Variants in KCNIP4 observed in about 807,000 individuals in gnomAD.
The protein encoded by KCNIP4 is Kv channel-interacting protein 4.
KCNIP4 carries 12 observed loss-of-function variants against 34.0 expected under a neutral mutation model. The ratio of observed to expected loss-of-function variants is 0.35; its 90% CI spans 0.23 to 0.57. KCNIP4 has a LOEUF of 0.57. Ranked by LOEUF, KCNIP4 falls within the 20% of genes least tolerant of loss-of-function variation. KCNIP4 has a pLI of 0.83. For synonymous variants in KCNIP4, 124 were observed against 102.2 expected (o/e 1.21, Z -1.29); for missense variants, 238 against 311.7 (o/e 0.76, Z 1.78).
chr4:20,771,987 A>G (rs1755930867), intron 3 of KCNIP4, among the ~76,000 whole-genome samples: 1 of 152,162 alleles, frequency 6.6e-6, no homozygotes, highest in Non-Finnish European at 1.5e-5. Context: ...ACTAAATTTA[A>G]TGATCATTCG....
At chr4:21,917,166 G>A (rs538186010) in intron 1 of KCNIP4, among the ~76,000 whole-genome samples, 7 of 151,990 alleles carry the variant, frequency 4.6e-5, no homozygotes, top group East Asian at 3.9e-4. Flanking sequence ...ACAGAGTCTC[G>A]CACTGTCGCC....
At chr4:20,912,072 C>T (rs1728379693) in intron 1 of KCNIP4, among the ~76,000 whole-genome samples, 1 of 152,162 alleles carries the variant, frequency 6.6e-6, no homozygotes. Context: ...CCATATACTT[C>T]CCCAAAGTAA....
chr4:21,507,033 C>T (rs1236149721), intron 1 of KCNIP4, among the ~76,000 whole-genome samples: 1 of 152,046 alleles, frequency 6.6e-6, no homozygotes, highest in African/African-American at 2.4e-5. Flanking sequence ...AGTGATCCTC[C>T]TGTCTCGGCC....
intron 1 of KCNIP4, among the ~76,000 whole-genome samples, chr4:21,541,180 C>CAAAAAAAAAAAAAAAAAAA (rs60459395): frequency 4.7e-5 from 5 of 107,466 alleles, no homozygotes; most frequent in Non-Finnish European, 5.6e-5. Flanking sequence ...CAAAAGAAAA[C>CAAAAAAAAAAAAAAAAAAA]AAAAAAAAAA....
At chr4:21,327,163 T>C (rs1715170250) in intron 1 of KCNIP4, among the ~76,000 whole-genome samples, 1 of 152,108 alleles carries the variant, frequency 6.6e-6, no homozygotes, top group South Asian at 2.1e-4. Flanking sequence ...TGTAACTTCA[T>C]ATGATATTTT....
intron 1 of KCNIP4, among the ~76,000 whole-genome samples, chr4:21,477,044 G>A (rs59905060): frequency 1.1e-4 from 17 of 152,210 alleles, no homozygotes; most frequent in East Asian, 1.9e-4. Context: ...GCGGTTTCTC[G>A]CTTCAAGAAG....
Position 21,528,742 on chromosome 4 carries a change from A to G in KCNIP4, c.61+419829T>C, listed in dbSNP as rs1158832934. Among the ~76,000 whole-genome samples, 12 of 5,522 alleles carry G rather than the reference A, an allele frequency of 2.2e-3. 3 individuals carry two copies. In the East Asian group the frequency reaches 0.067, roughly 31 times the overall value. The allele number at this position is 5,522 out of a possible 152,430, so 3.6% of individuals were successfully genotyped here. On this transcript the variant is annotated intron_variant, in intron 1 of 8. Transcript: ENST00000382152. ...AAGAAAGAAAGAAAGAAAGAAAGAA[A>G]GAAAGAAAGAAAGAAAGAAAGAAAG...
chr4:21,898,895 C>A (rs7682043), intron 1 of KCNIP4, among the ~76,000 whole-genome samples: 14,036 of 152,162 alleles, frequency 0.092, 741 homozygotes, highest in Non-Finnish European at 0.12. Flanking sequence ...TGGACCTGCC[C>A]AGGGCCAGAG....
At chr4:21,826,159 G>A (rs1011564763) in intron 1 of KCNIP4, among the ~76,000 whole-genome samples, 4 of 152,148 alleles carry the variant, frequency 2.6e-5, no homozygotes, top group Admixed American at 2.6e-4. Flanking sequence ...CATTTTATAA[G>A]CCATGCAGAG....
At chr4:21,816,882 T>G (rs1265452238) in intron 1 of KCNIP4, among the ~76,000 whole-genome samples, 1 of 152,200 alleles carries the variant, frequency 6.6e-6, no homozygotes, top group Non-Finnish European at 1.5e-5. Flanking sequence ...GCAATGTGCT[T>G]GACCTCACTG....
chr4:21,304,942 A>G (rs1006278407), intron 1 of KCNIP4, among the ~76,000 whole-genome samples: 6 of 150,460 alleles, frequency 4.0e-5, no homozygotes, highest in Non-Finnish European at 8.8e-5. Context: ...TGATGTAAGT[A>G]AATTTGGAGC....
intron 1 of KCNIP4, among the ~76,000 whole-genome samples, chr4:21,905,887 G>C (rs1437811195): frequency 6.6e-6 from 1 of 152,070 alleles, no homozygotes; most frequent in East Asian, 1.9e-4. Context: ...ATGGGCATTA[G>C]AGTGTGACAT....
chr4:21,090,590 T>C (rs1260871000), intron 1 of KCNIP4, among the ~76,000 whole-genome samples: 2 of 152,212 alleles, frequency 1.3e-5, no homozygotes, highest in Non-Finnish European at 2.9e-5. Context: ...AGAGAAAAGT[T>C]TTTATGTATT....
intron 1 of KCNIP4, among the ~76,000 whole-genome samples, chr4:21,195,937 G>A (rs1173539863): frequency 6.6e-6 from 1 of 152,110 alleles, no homozygotes; most frequent in Non-Finnish European, 1.5e-5. Flanking sequence ...CATCATTCCT[G>A]CAAGGAAGCA....
chr4:21,257,544 T>G (rs1464813932), intron 1 of KCNIP4, among the ~76,000 whole-genome samples: 1 of 152,024 alleles, frequency 6.6e-6, no homozygotes, highest in Non-Finnish European at 1.5e-5. Flanking sequence ...GGTCAGGAGT[T>G]TGAGGCCAGC....
chr4:21,119,704 C>CA (rs1749990316), intron 1 of KCNIP4, among the ~76,000 whole-genome samples: 1 of 150,750 alleles, frequency 6.6e-6, no homozygotes, highest in African/African-American at 2.4e-5. Context: ...TTCTCTCCAA[C>CA]ATTGATATTA....
At chr4:21,089,604 T>A (rs1746794256) in intron 1 of KCNIP4, among the ~76,000 whole-genome samples, 1 of 152,134 alleles carries the variant, frequency 6.6e-6, no homozygotes, top group African/African-American at 2.4e-5. Context: ...GAAAGACACA[T>A]CCAGTTTTCA....
intron 1 of KCNIP4, among the ~76,000 whole-genome samples, chr4:20,887,687 A>C (rs1725463805): frequency 6.6e-6 from 1 of 152,122 alleles, no homozygotes; most frequent in African/African-American, 2.4e-5. Flanking sequence ...TTTTAGATAA[A>C]ATAAACCTGG....
At chr4:21,338,858 T>C (rs1716453038) in intron 1 of KCNIP4, among the ~76,000 whole-genome samples, 2 of 152,246 alleles carry the variant, frequency 1.3e-5, no homozygotes, top group Non-Finnish European at 2.9e-5. Context: ...ATCAGTTATA[T>C]TTGATGAAAC....
Sources: allele counts gnomAD v4.1 joint callset (sites outside exome capture counted in the v4.1 genomes callset), GRCh38; gene constraint gnomAD v4.1.1; transcripts MANE v1.5; gene names NCBI Gene and HGNC (gene_info 2026-07-23, HGNC 2026-07-21).